Variants in APBB1IP observed in about 807,000 individuals in gnomAD.
APBB1IP encodes amyloid beta A4 precursor protein-binding family B member 1-interacting protein.
In APBB1IP, 27 loss-of-function variants were observed where a neutral mutation model predicts 64.9. That is an observed-to-expected ratio of 0.42 (90% confidence interval 0.31 to 0.57). APBB1IP has a LOEUF of 0.57. APBB1IP is among the 20% of genes least tolerant of loss of function. The probability of loss-of-function intolerance (pLI) is 0.20; values close to 1 mark genes in which losing one functional copy is unlikely to be tolerated. For synonymous variants in APBB1IP, 392 were observed against 331.0 expected (o/e 1.18, Z -2.00); for missense variants, 812 against 845.5 (o/e 0.96, Z 0.49).
intron 2 of APBB1IP, among the ~76,000 whole-genome samples, chr10:26,442,461 C>T (rs1835348172): frequency 6.6e-6 from 1 of 152,062 alleles, no homozygotes; most frequent in Non-Finnish European, 1.5e-5. Context: ...TTTCATGTTA[C>T]AGACTCATCA....
chr10:26,506,256 G>T (rs1017042140), intron 6 of APBB1IP, among the ~76,000 whole-genome samples: 14 of 141,902 alleles, frequency 9.9e-5, no homozygotes, highest in Non-Finnish European at 2.0e-4. Flanking sequence ...TGTGTGGGGG[G>T]GGGGGGTGGG....
chr10:26,447,610 A>G (rs1835416261), intron 2 of APBB1IP, among the ~76,000 whole-genome samples: 1 of 152,316 alleles, frequency 6.6e-6, no homozygotes, highest in East Asian at 1.9e-4. Context: ...GGCGCTTGCA[A>G]TAACAGAACT....
chr10:26,510,734 TCACACACA>T (rs1554776713), intron 6 of APBB1IP, among the ~76,000 whole-genome samples: 93 of 135,984 alleles, frequency 6.8e-4, no homozygotes, highest in East Asian at 3.7e-3. Flanking sequence ...AGACCCTGTC[TCACACACA>T]CACACACACA....
intron 4 of APBB1IP, among the ~76,000 whole-genome samples, chr10:26,497,475 C>T (rs1229833434): frequency 6.6e-6 from 1 of 150,706 alleles, no homozygotes; most frequent in Non-Finnish European, 1.5e-5. Flanking sequence ...GGTGTGAACC[C>T]AGGAGGCGGA....
chr10:26,476,541 GACAGGCATGT>G (rs1835778901), intron 2 of APBB1IP, among the ~76,000 whole-genome samples: 2 of 151,532 alleles, frequency 1.3e-5, no homozygotes, highest in South Asian at 4.2e-4. Flanking sequence ...TCGTGTAATG[GACAGGCATGT>G]ACCCTTCACC....
chr10:26,476,181 C>T (rs1835773205), intron 2 of APBB1IP, among the ~76,000 whole-genome samples: 1 of 151,794 alleles, frequency 6.6e-6, no homozygotes, highest in Non-Finnish European at 1.5e-5. Flanking sequence ...GCCTCAGCCT[C>T]CCGAGCAGCT....
intron 3 of APBB1IP, among the ~76,000 whole-genome samples, 162 bp from the exon 4 acceptor site, chr10:26,496,142 G>GA (rs1307113673): frequency 6.6e-6 from 1 of 151,304 alleles, no homozygotes; most frequent in Non-Finnish European, 1.5e-5. Context: ...TTCTATAGGG[G>GA]AAAAATTACA....
Position 26,536,196 on chromosome 10 carries a change from T to C in APBB1IP, c.1023T>C (p.Tyr341=), listed in dbSNP as rs372886738. ...TTTTACGGGCTTCTGGAATTTATTA[T>C]GTACCCAAAGGAAAGACTAAGGTCA... The part of the protein sequence containing the change: ...YFLLRASGIY[Y]VPKGKTKTSR... The change falls in exon 10 of 15, where the codon TAT becomes TAC. Residue 341 remains tyrosine (Y), a synonymous_variant. Transcript: ENST00000376236. 6.3e-6 allele frequency: 10 copies of C among 1,591,384 alleles called. No homozygotes were observed. Among genetic ancestry groups the C allele is most frequent in the Non-Finnish European group, 8.5e-6 (10 of 1,173,520 alleles).
chr10:26,541,668 C>T lies in APBB1IP; in HGVS notation c.1131C>T (p.Pro377=), dbSNP rs1039863416. 1 of 1,608,768 alleles carries T rather than the reference C, an allele frequency of 6.2e-7. No homozygotes were observed. Among genetic ancestry groups the T allele is most frequent in the East Asian group, 2.2e-5 (1 of 44,694 alleles). The change falls in exon 11 of 15, where the codon CCC becomes CCT. Residue 377 remains proline, a synonymous_variant. Coordinates refer to ENST00000376236, the MANE Select transcript of APBB1IP (RefSeq NM_019043.4). ...AGCATAAAATGAAATATAAAGCGCC[C>T]ACTGACTATTGCTTTGTTTTAAAGG... ...GTQHKMKYKA[P]TDYCFVLKHP...
intron 12 of APBB1IP, 151 bp downstream of exon 12, chr10:26,560,354 A>G: frequency 1.4e-6 from 1 of 690,206 alleles, no homozygotes; most frequent in Non-Finnish European, 2.5e-6. Flanking sequence ...GGTTTTCTAA[A>G]TGGGAGGAGC....
intron 14 of APBB1IP, among the ~76,000 whole-genome samples, chr10:26,564,637 T>C (rs1322090917): frequency 6.6e-6 from 1 of 151,984 alleles, no homozygotes; most frequent in Non-Finnish European, 1.5e-5. Context: ...ACCCTGTCTC[T>C]ACAAAAAGTA....
intron 14 of APBB1IP, among the ~76,000 whole-genome samples, chr10:26,565,561 T>C (rs1360442597): frequency 6.6e-6 from 1 of 152,204 alleles, no homozygotes; most frequent in African/African-American, 2.4e-5. Context: ...AAACACCTCA[T>C]TGAACATAGC....
At chr10:26,470,051 C>A (rs1289378077) in intron 2 of APBB1IP, among the ~76,000 whole-genome samples, 1 of 152,178 alleles carries the variant, frequency 6.6e-6, no homozygotes, top group Non-Finnish European at 1.5e-5. Context: ...GGCGGGGACC[C>A]TGGTCAGGAG....
Position 26,500,951 on chromosome 10 carries a change from C to T in APBB1IP, c.293C>T (p.Ser98Phe). ...ESLQNQHHSA[S>F]LQASIFSGAA... ...TTGCAGAATCAACATCATTCAGCAT[C>T]TCTACAAGCATCAATTTTCAGTGGT... The change falls in exon 5 of 15, where the codon TCT becomes TTT. Residue 98 changes from serine to phenylalanine, a missense_variant. Around this residue, in one of 3 missense-constraint regions of APBB1IP, gnomAD observed 394 missense variants for 413.1 expected, o/e 0.95. Transcript: ENST00000376236. 6.2e-7 allele frequency: 1 copy of T among 1,614,184 alleles called. No homozygotes were observed. The highest frequency in any genetic ancestry group is 8.5e-7 in the Non-Finnish European group (1 of 1,180,038).
Position 26,501,100 on chromosome 10 carries a change from C to A in APBB1IP, c.442C>A (p.Pro148Thr). 2.5e-6 allele frequency: 4 copies of A among 1,614,182 alleles called. No individual in the cohort carries two copies. Among genetic ancestry groups the A allele is most frequent in the Non-Finnish European group, 3.4e-6 (4 of 1,180,030 alleles). ...DLPLPPPPPE[P>T]LSQEEEEAQA... is the part of the protein sequence containing the mutation. ...TCCACTGCCACCACCACCTCCTGAA[C>A]CTCTCTCTCAGGTAAGTATGTGGGA... Residue 148 changes from proline (P) to threonine (T), a missense_variant, in exon 5 of 15, where the codon CCT (proline) becomes ACT (threonine). Pro to Thr is a conservative substitution (Grantham distance 38). This residue lies in a region of APBB1IP where 394 missense variants were observed against 413.1 expected (regional missense o/e 0.95). Transcript: ENST00000376236.
At chr10:26,532,881 C>T (rs1284112614) in intron 8 of APBB1IP, among the ~76,000 whole-genome samples, 1 of 152,144 alleles carries the variant, frequency 6.6e-6, no homozygotes. Flanking sequence ...TTGGAAGTTG[C>T]TAAATAGTAA....
At chr10:26,516,538 C>A in intron 8 of APBB1IP, among the ~76,000 whole-genome samples, 1 of 11,782 alleles carries the variant, frequency 8.5e-5, no homozygotes, top group Admixed American at 1.4e-3. Flanking sequence ...AGCAAGACTC[C>A]ATCTCAAAAA....
At chr10:26,503,831 AT>A (rs201778738) in intron 6 of APBB1IP, among the ~76,000 whole-genome samples, 1 of 151,842 alleles carries the variant, frequency 6.6e-6, no homozygotes, top group Non-Finnish European at 1.5e-5. Context: ...CTTGTACATG[AT>A]TTTTTTTGCT....
intron 2 of APBB1IP, among the ~76,000 whole-genome samples, chr10:26,466,933 G>T (rs1039352959): frequency 1.3e-5 from 2 of 149,244 alleles, no homozygotes; most frequent in African/African-American, 5.0e-5. Flanking sequence ...AAGACCCTAT[G>T]GAAAAAAAAA....
Sources: allele counts gnomAD v4.1 joint callset (sites outside exome capture counted in the v4.1 genomes callset), GRCh38; gene constraint gnomAD v4.1.1; regional missense constraint gnomAD v4.1.1; transcripts MANE v1.5; gene names NCBI Gene and HGNC (gene_info 2026-07-23, HGNC 2026-07-21).